The following EML6 variants were observed in gnomAD, a reference collection of about 807,000 sequenced individuals.
The protein encoded by EML6 is EMAP like 6.
In EML6, 154 loss-of-function variants were observed where a neutral mutation model predicts 240.1. The observed-to-expected ratio is 0.64, with a 90% CI of 0.56 to 0.73. EML6 has a LOEUF of 0.73. EML6 is among the 30% of genes least tolerant of loss of function. The probability of loss-of-function intolerance (pLI) is 0.00; values close to 1 mark genes in which losing one functional copy is unlikely to be tolerated. For missense variants in EML6, 2,964 were observed against 2,474.6 expected (o/e 1.20, Z -4.20); for synonymous variants, 1,148 against 899.0 (o/e 1.28, Z -4.95).
At chr2:54,953,146 C>T (rs1275640469) in intron 31 of EML6, among the ~76,000 whole-genome samples, 1 of 152,122 alleles carries the variant, frequency 6.6e-6, no homozygotes, top group East Asian at 1.9e-4. Context: ...TTACAACTTC[C>T]TGCTTGTTTT....
At chr2:54,964,781 G>A (rs1266946119) in intron 38 of EML6, 48 bp downstream of exon 38, 5 of 1,526,930 alleles carry the variant, frequency 3.3e-6, no homozygotes, top group South Asian at 2.4e-5. Context: ...AATAACAGCA[G>A]TAATAACAAT....
Position 54,960,240 on chromosome 2 carries a change from T to C in EML6, c.4874T>C (p.Val1625Ala). The C allele has an allele frequency of 6.4e-7, 1 of 1,551,462 alleles. No individual in the cohort carries two copies. Among genetic ancestry groups the C allele is most frequent in the Non-Finnish European group, 8.7e-7 (1 of 1,146,882 alleles). The change falls in exon 35 of 42, where the codon GTA (valine) becomes GCA (alanine). Residue 1625 changes from valine (V) to alanine (A), a missense_variant. Val to Ala is a moderately conservative substitution (Grantham distance 64). Coordinates refer to ENST00000356458, the MANE Select transcript of EML6 (RefSeq NM_001039753.4). ...TTTAGGACCAAAGAAGGAGGTGCTG[T>C]AAAATTGTGGGACCAGGAGATGAAG... ...KERPTKEGGA[V>A]KLWDQEMKRC...
chr2:54,755,708 T>C (rs557491689), intron 2 of EML6, among the ~76,000 whole-genome samples: 3 of 152,294 alleles, frequency 2.0e-5, no homozygotes, highest in East Asian at 1.9e-4. Flanking sequence ...TTACTCAGAC[T>C]GGAGTGCAGT....
chr2:54,835,991 C>T (rs758553231), intron 7 of EML6, among the ~76,000 whole-genome samples: 7 of 152,186 alleles, frequency 4.6e-5, no homozygotes, highest in Non-Finnish European at 8.8e-5. Flanking sequence ...CCGCGGGCGG[C>T]TCCATTACTT....
At chr2:54,810,326 T>A (rs566570187) in intron 2 of EML6, among the ~76,000 whole-genome samples, 2 of 152,298 alleles carry the variant, frequency 1.3e-5, no homozygotes, top group Non-Finnish European at 2.9e-5. Context: ...GTGAGGTGTT[T>A]TGGGGTAGCA....
chr2:54,814,119 C>G (rs774332773), intron 3 of EML6, among the ~76,000 whole-genome samples: 4 of 152,194 alleles, frequency 2.6e-5, no homozygotes, highest in Non-Finnish European at 5.9e-5. Context: ...ATAAAGTCCA[C>G]ACTTTGTAGG....
intron 2 of EML6, among the ~76,000 whole-genome samples, chr2:54,726,406 T>C (rs1314741755): frequency 1.3e-5 from 2 of 151,602 alleles, no homozygotes; most frequent in Admixed American, 6.6e-5. Flanking sequence ...AAGATCAGCT[T>C]TTTTTTCCCT....
intron 36 of EML6, 88 bp from the exon 37 acceptor site, chr2:54,963,898 C>G: frequency 7.6e-7 from 1 of 1,308,584 alleles, no homozygotes; most frequent in South Asian, 1.6e-5. Flanking sequence ...CGAGGGCAGC[C>G]TGACTTCTCT....
At chr2:54,857,608 G>A (rs756147730) in intron 11 of EML6, among the ~76,000 whole-genome samples, 5 of 152,216 alleles carry the variant, frequency 3.3e-5, no homozygotes, top group Admixed American at 2.6e-4. Context: ...AAAGCAAACA[G>A]TGGGAGCAGA....
At chr2:54,805,046 T>C (rs1181842622) in intron 2 of EML6, among the ~76,000 whole-genome samples, 1 of 152,226 alleles carries the variant, frequency 6.6e-6, no homozygotes, top group South Asian at 2.1e-4. Flanking sequence ...TCCTAACATA[T>C]GTTGAAGGTA....
chr2:54,784,925 A>G (rs2103867430), intron 2 of EML6, among the ~76,000 whole-genome samples: 1 of 152,334 alleles, frequency 6.6e-6, no homozygotes, highest in East Asian at 1.9e-4. Context: ...TACAGGATGA[A>G]TTGTCTGTCT....
chr2:54,801,489 C>G (rs1413036559), intron 2 of EML6, among the ~76,000 whole-genome samples: 8 of 152,176 alleles, frequency 5.3e-5, no homozygotes, highest in Admixed American at 5.2e-4. Flanking sequence ...TTTATTCATG[C>G]TTGACTCTCC....
At chr2:54,854,704 T>C (rs535031548) in intron 11 of EML6, among the ~76,000 whole-genome samples, 20 of 152,368 alleles carry the variant, frequency 1.3e-4, no homozygotes, top group Non-Finnish European at 2.4e-4. Context: ...GTGACAGTTA[T>C]GGTACAAATG....
chr2:54,739,076 C>T (rs1325927669), intron 2 of EML6, among the ~76,000 whole-genome samples: 4 of 152,076 alleles, frequency 2.6e-5, no homozygotes, highest in Non-Finnish European at 5.9e-5. Flanking sequence ...ATACTTCCAC[C>T]ATCACAGAAT....
intron 7 of EML6, among the ~76,000 whole-genome samples, chr2:54,835,441 AC>A (rs1403108052): frequency 6.6e-6 from 1 of 152,162 alleles, no homozygotes; most frequent in Non-Finnish European, 1.5e-5. Context: ...AGAAGGAGGA[AC>A]AGATAACTTG....
At chr2:54,754,884 C>G (rs1475678831) in intron 2 of EML6, among the ~76,000 whole-genome samples, 1 of 152,206 alleles carries the variant, frequency 6.6e-6, no homozygotes, top group Non-Finnish European at 1.5e-5. Flanking sequence ...CATTTGGCTA[C>G]TGGCCACTTA....
chr2:54,811,071 C>G (rs2104031417), intron 2 of EML6, among the ~76,000 whole-genome samples: 1 of 152,150 alleles, frequency 6.6e-6, no homozygotes, highest in South Asian at 2.1e-4. Flanking sequence ...TGTTCTCACC[C>G]CCAGTAGCTC....
At chr2:54,942,974 C>G (rs914668273) in intron 28 of EML6, among the ~76,000 whole-genome samples, 1 of 152,176 alleles carries the variant, frequency 6.6e-6, no homozygotes, top group African/African-American at 2.4e-5. Context: ...CCACCTGCCT[C>G]TCCACTCTTC....
chr2:54,809,999 G>A (rs1667753797), intron 2 of EML6, among the ~76,000 whole-genome samples: 1 of 152,154 alleles, frequency 6.6e-6, no homozygotes, highest in African/African-American at 2.4e-5. Context: ...CTCTGTTCTT[G>A]CTATTCTTGA....
Sources: allele counts gnomAD v4.1 joint callset (sites outside exome capture counted in the v4.1 genomes callset), GRCh38; gene constraint gnomAD v4.1.1; transcripts MANE v1.5; gene names NCBI Gene and HGNC (gene_info 2026-07-23, HGNC 2026-07-21).